The following DNAH5 variants were observed in gnomAD, a reference collection of about 807,000 sequenced individuals.
DNAH5 encodes axonemal beta dynein heavy chain 5.
DNAH5 carries 372 observed loss-of-function variants against 518.2 expected under a neutral mutation model. The observed-to-expected ratio is 0.72, with a 90% CI of 0.66 to 0.78. The LOEUF is 0.78. Among genes scored for constraint, DNAH5 ranks in the 30% least tolerant of loss-of-function variants. DNAH5 has a pLI of 0.00. For synonymous variants in DNAH5, 2,039 were observed against 2,025.9 expected, an observed-to-expected ratio of 1.01 and a Z score of -0.17; for missense variants, 5,523 against 5,687.0, an observed-to-expected ratio of 0.97 and a Z score of 0.93.
chr5:13,813,257 A>C (rs1412997056), intron 43 of DNAH5, among the ~76,000 whole-genome samples: 1 of 152,244 alleles, frequency 6.6e-6, no homozygotes, highest in African/African-American at 2.4e-5. Context: ...GACAGACTAT[A>C]GCAAAAGCTT....
chr5:13,841,920 A>C lies in DNAH5; in HGVS notation c.5272-16T>G, dbSNP rs1470541766. 1.0e-5 allele frequency: 4 copies of C among 395,106 alleles called. No homozygotes were observed. The highest frequency in any genetic ancestry group is 5.3e-5 in the Admixed American group (1 of 18,882). The allele number at this position is 395,106 out of a possible 1,614,324, so 24.5% of individuals were successfully genotyped here. ...GATCATAGATCTATGTTAGAAACCA[A>C]AAAAAAAAAAAAAAAAAGCTATAGT... On this transcript the variant is annotated splice_polypyrimidine_tract_variant and intron_variant, in intron 32 of 78. Transcript: ENST00000265104.
chr5:13,744,852 A>G (rs1749113585), intron 65 of DNAH5, among the ~76,000 whole-genome samples: 2 of 152,218 alleles, frequency 1.3e-5, no homozygotes, highest in African/African-American at 4.8e-5. Context: ...AGCCTCCATT[A>G]CCAAATATTA....
intron 50 of DNAH5, 90 bp from the exon 51 acceptor site, chr5:13,789,004 C>T: frequency 4.2e-6 from 5 of 1,191,448 alleles, no homozygotes; most frequent in South Asian, 4.0e-5. Context: ...TATTATCCTT[C>T]CTGATTTAAG....
chr5:13,727,731 A>T (rs1579934827), intron 69 of DNAH5, 75 bp from the exon 70 acceptor site: 7 of 1,523,440 alleles, frequency 4.6e-6, no homozygotes, highest in South Asian at 2.2e-5. Context: ...GATATGTTTC[A>T]TCAAACCTCT....
chr5:13,750,383 A>G (rs998667039), intron 65 of DNAH5, among the ~76,000 whole-genome samples: 1 of 152,212 alleles, frequency 6.6e-6, no homozygotes, highest in Non-Finnish European at 1.5e-5. Flanking sequence ...CCCTAAAGAA[A>G]ATGCTCACTC....
At chr5:13,756,730 G>A (rs1190837876) in intron 61 of DNAH5, among the ~76,000 whole-genome samples, 5 of 152,074 alleles carry the variant, frequency 3.3e-5, no homozygotes, top group Non-Finnish European at 7.4e-5. Flanking sequence ...TCAGTTCAGG[G>A]GTATGTGTAC....
rs1462820231 is a variant in DNAH5, at chr5:13,885,980, G to T, written c.2727C>A (p.Tyr909Ter). The change falls in exon 18 of 79, where the codon TAC becomes TAA. Residue 909 changes from tyrosine to a stop codon, truncating the protein, a stop_gained. Coordinates refer to ENST00000265104, the MANE Select transcript of DNAH5 (RefSeq NM_001369.3). LOFTEE classifies it high-confidence loss of function. ...EKISNENSVN[Y>*]KNESSAKREE... ...ATCTCTTACCTGAACTTTCATTTTT[G>T]TAATTAACACTATTCTCATTGGATA... 1 of 1,612,572 alleles carries T rather than the reference G, an allele frequency of 6.2e-7. No individual in the cohort carries two copies. The highest frequency in any genetic ancestry group is 8.5e-7 in the Non-Finnish European group (1 of 1,179,698).
chr5:13,846,121 G>C (rs143484854), intron 31 of DNAH5, among the ~76,000 whole-genome samples: 59 of 151,682 alleles, frequency 3.9e-4, no homozygotes, highest in African/African-American at 1.4e-3. Context: ...TTACAGGCAT[G>C]AGCCACCACA....
At position 13,800,064 on chromosome 5, in the gene DNAH5, C is replaced by A. The variant is rs190481217; in HGVS notation, c.7888-6006G>T. ...GTAGTGTGCTGAAAAGATATGAAAG[C>A]AGGAGGGTGCTGGGAGGGTCTTTCT... On this transcript the variant is annotated intron_variant, in intron 47 of 78. Coordinates refer to ENST00000265104, the MANE Select transcript of DNAH5 (RefSeq NM_001369.3). Among the ~76,000 whole-genome samples, 11 of 152,202 alleles carry A rather than the reference C, an allele frequency of 7.2e-5. No individual in the cohort carries two copies. In the East Asian group the frequency reaches 1.7e-3, roughly 24 times the overall value.
At chr5:13,872,697 G>C (rs752720551) in intron 22 of DNAH5, among the ~76,000 whole-genome samples, 6 of 152,084 alleles carry the variant, frequency 3.9e-5, no homozygotes, top group Admixed American at 1.3e-4. Context: ...TAATGCAGAG[G>C]TCATGTTTTC....
chr5:13,725,181 G>A (rs879798747), intron 70 of DNAH5, among the ~76,000 whole-genome samples: 4 of 152,196 alleles, frequency 2.6e-5, no homozygotes, highest in East Asian at 1.9e-4. Flanking sequence ...TAGTTTGAAG[G>A]ATTTATGACT....
intron 41 of DNAH5, among the ~76,000 whole-genome samples, chr5:13,820,039 G>A (rs1443021142): frequency 6.6e-6 from 1 of 152,016 alleles, no homozygotes; most frequent in Non-Finnish European, 1.5e-5. Context: ...TTTTGAATTT[G>A]AGCCTTGATT....
intron 50 of DNAH5, among the ~76,000 whole-genome samples, chr5:13,790,625 A>T (rs1029685823): frequency 1.4e-4 from 22 of 152,278 alleles, no homozygotes; most frequent in South Asian, 6.2e-4. Flanking sequence ...ATGGTTTTAT[A>T]AGAGGCTCTT....
At chr5:13,925,757 A>G (rs1777800736) in intron 3 of DNAH5, among the ~76,000 whole-genome samples, 2 of 152,166 alleles carry the variant, frequency 1.3e-5, no homozygotes, top group Non-Finnish European at 2.9e-5. Flanking sequence ...ATTCAAGATG[A>G]GATTTGGGTG....
At chr5:13,790,056 C>G (rs1471724541) in intron 50 of DNAH5, among the ~76,000 whole-genome samples, 1 of 152,124 alleles carries the variant, frequency 6.6e-6, no homozygotes, top group Non-Finnish European at 1.5e-5. Context: ...ATAACAGATG[C>G]TGGCAAGGTT....
At chr5:13,692,171 T>A (rs937336930) in intron 78 of DNAH5, 36 bp from the exon 79 acceptor site, 10 of 1,611,840 alleles carry the variant, frequency 6.2e-6, no homozygotes, top group Non-Finnish European at 7.6e-6. Flanking sequence ...CTTGGTGAAA[T>A]TTCCACTTTA....
intron 12 of DNAH5, among the ~76,000 whole-genome samples, chr5:13,902,927 A>G (rs1561539506): frequency 6.6e-6 from 1 of 152,262 alleles, no homozygotes; most frequent in Non-Finnish European, 1.5e-5. Context: ...AGGAAAAAAA[A>G]TAAATACATA....
chr5:13,830,515 G>T, intron 36 of DNAH5, 82 bp downstream of exon 36: 2 of 1,482,982 alleles, frequency 1.3e-6, no homozygotes, highest in Non-Finnish European at 9.4e-7. Context: ...TCTAAAATGT[G>T]GCCAATTGTT....
At position 13,721,176 on chromosome 5, in the gene DNAH5, T is replaced by A; in HGVS notation, c.12103A>T (p.Thr4035Ser). Residue 4035 changes from threonine (T) to serine (S), a missense_variant, in exon 71 of 79, where the codon ACG (threonine) becomes TCG (serine). Physicochemically the swap from Thr to Ser is moderately conservative, Grantham distance 58. Transcript: ENST00000265104. Reference protein sequence around the residue: ...AEGVILDLEKTWEESDPRTPL... With the variant: ...AEGVILDLEKSWEESDPRTPL... ...GTCCGTGGATCAGATTCCTCCCACGTCTTCTCCAAGTCTAAAATAACACCT... is the reference window on the plus strand; with the variant it reads ...GTCCGTGGATCAGATTCCTCCCACGACTTCTCCAAGTCTAAAATAACACCT... The A allele has an allele frequency of 1.2e-6, 2 of 1,614,134 alleles. No individual in the cohort carries two copies. Among genetic ancestry groups the A allele is most frequent in the Non-Finnish European group, 1.7e-6 (2 of 1,179,994 alleles).
Sources: allele counts gnomAD v4.1 joint callset (sites outside exome capture counted in the v4.1 genomes callset), GRCh38; gene constraint gnomAD v4.1.1; transcripts MANE v1.5; gene names NCBI Gene and HGNC (gene_info 2026-07-23, HGNC 2026-07-21).